The following DPYD variants were observed in gnomAD, a reference collection of about 807,000 sequenced individuals.
The protein encoded by DPYD is dihydropyrimidine dehydrogenase [NADP(+)].
In DPYD, 109 loss-of-function variants were observed where a neutral mutation model predicts 116.2. The ratio of observed to expected loss-of-function variants is 0.94; its 90% CI spans 0.80 to 1.10. The LOEUF (loss-of-function observed/expected upper bound fraction) is 1.10, where lower values mean the gene tolerates loss of function less well. DPYD is among the 50% of genes least tolerant of loss of function. DPYD has a pLI of 0.00. For synonymous variants in DPYD, 440 were observed against 432.0 expected (o/e 1.02, Z -0.23); for missense variants, 1,302 against 1,254.5 (o/e 1.04, Z -0.57).
At chr1:97,678,136 C>T (rs931876166) in intron 8 of DPYD, among the ~76,000 whole-genome samples, 1 of 152,126 alleles carries the variant, frequency 6.6e-6, no homozygotes, top group Non-Finnish European at 1.5e-5. Context: ...TGTTCCACCT[C>T]AGATAATCAG....
chr1:97,134,595 T>C (rs1194203800), intron 20 of DPYD, among the ~76,000 whole-genome samples: 1 of 152,212 alleles, frequency 6.6e-6, no homozygotes, highest in Non-Finnish European at 1.5e-5. Flanking sequence ...GGAGGAAACG[T>C]GTCAACAAAG....
chr1:97,171,830 T>A (rs1656742526), intron 20 of DPYD, among the ~76,000 whole-genome samples: 1 of 152,148 alleles, frequency 6.6e-6, no homozygotes, highest in African/African-American at 2.4e-5. Flanking sequence ...GATGAACACA[T>A]ACATCATTGC....
rs559460409 is a variant in DPYD at position 97,177,996 on chromosome 1, C to T, written c.2622+15073G>A. Among the ~76,000 whole-genome samples the T allele has an allele frequency of 7.9e-5, 12 of 152,130 alleles. No individual in the cohort carries two copies. The South Asian group carries it at 1.2e-3, about 16-fold the overall frequency. On this transcript the variant is annotated intron_variant, in intron 20 of 22. Transcript: ENST00000370192. ...CTCTCTGGGGTCCCTTTTATAAGGA[C>T]GCTAATTTTATTGCCTTCCAAAGGC...
At chr1:97,138,378 A>T (rs973107178) in intron 20 of DPYD, among the ~76,000 whole-genome samples, 1 of 152,182 alleles carries the variant, frequency 6.6e-6, no homozygotes, top group Non-Finnish European at 1.5e-5. Context: ...GAAAGCTACC[A>T]TATGGCCAGA....
intron 16 of DPYD, among the ~76,000 whole-genome samples, chr1:97,322,300 C>A (rs562057302): frequency 6.6e-6 from 1 of 151,556 alleles, no homozygotes; most frequent in African/African-American, 2.4e-5. Context: ...CTTCCCACTG[C>A]TGCTGTAGGA....
chr1:97,133,110 AC>A (rs1357869056), intron 20 of DPYD, among the ~76,000 whole-genome samples: 3 of 152,052 alleles, frequency 2.0e-5, no homozygotes, highest in African/African-American at 7.2e-5. Context: ...TTGTAAACTG[AC>A]TATAGAGTAC....
intron 20 of DPYD, among the ~76,000 whole-genome samples, chr1:97,110,478 A>T (rs2101622451): frequency 6.6e-6 from 1 of 152,136 alleles, no homozygotes; most frequent in South Asian, 2.1e-4. Flanking sequence ...TGTCATTTTT[A>T]TCTTTGACTA....
rs541607429 is a variant in DPYD, at chr1:97,082,579, A to T, written c.2767-109T>A. 9.9e-5 allele frequency: 122 copies of T among 1,235,306 alleles called. 3 individuals carry two copies. In the South Asian group the frequency reaches 1.4e-3, roughly 15 times the overall value. 76.5% of individuals were successfully genotyped at this position (1,235,306 alleles called of 1,614,324 possible). On this transcript the variant is annotated intron_variant, in intron 21 of 22. Coordinates refer to ENST00000370192, the MANE Select transcript of DPYD (RefSeq NM_000110.4). ...TTTTATACAATGTTGCATTATATTA[A>T]CTTGGGAGACTGGATAGTATAATTC...
chr1:97,398,515 TCACCA>T (rs1673148505), intron 14 of DPYD, among the ~76,000 whole-genome samples: 1 of 151,282 alleles, frequency 6.6e-6, no homozygotes, highest in Admixed American at 6.6e-5. Context: ...CCCTGAGGAA[TCACCA>T]CACTGACTTC....
chr1:97,621,943 G>T (rs1656655305), intron 8 of DPYD, among the ~76,000 whole-genome samples: 1 of 151,946 alleles, frequency 6.6e-6, no homozygotes, highest in Non-Finnish European at 1.5e-5. Flanking sequence ...AAAACAAAGT[G>T]ATATTAGTTT....
At chr1:97,328,882 A>G (rs1257387956) in intron 16 of DPYD, among the ~76,000 whole-genome samples, 1 of 152,214 alleles carries the variant, frequency 6.6e-6, no homozygotes, top group Non-Finnish European at 1.5e-5. Flanking sequence ...ATCAATTATT[A>G]CAGAAAAGTT....
At chr1:97,330,971 G>A (rs1668958982) in intron 16 of DPYD, among the ~76,000 whole-genome samples, 1 of 152,090 alleles carries the variant, frequency 6.6e-6, no homozygotes, top group Admixed American at 6.6e-5. Context: ...TCATTACTTA[G>A]ATAAAACTTT....
chr1:97,737,195 G>C (rs556008991), intron 4 of DPYD, among the ~76,000 whole-genome samples: 20 of 152,096 alleles, frequency 1.3e-4, no homozygotes, highest in African/African-American at 4.8e-4. Context: ...TTGTTTTAAA[G>C]CTTTGTTCTC....
intron 18 of DPYD, among the ~76,000 whole-genome samples, chr1:97,259,093 A>G (rs530307225): frequency 6.4e-4 from 98 of 152,226 alleles, no homozygotes; most frequent in African/African-American, 2.2e-3. Flanking sequence ...CTGGATGGAA[A>G]ACAGCTGAGC....
chr1:97,829,198 C>T (rs1571429128), intron 2 of DPYD, among the ~76,000 whole-genome samples: 1 of 151,676 alleles, frequency 6.6e-6, no homozygotes, highest in African/African-American at 2.4e-5. Context: ...TATGTTCTTT[C>T]TATTCTTGAA....
intron 2 of DPYD, among the ~76,000 whole-genome samples, chr1:97,854,523 C>A (rs1670723527): frequency 6.6e-6 from 1 of 152,136 alleles, no homozygotes; most frequent in Admixed American, 6.5e-5. Flanking sequence ...TATCAAATGC[C>A]CCCAGTTTAA....
intron 19 of DPYD, among the ~76,000 whole-genome samples, chr1:97,201,950 G>A (rs1659236144): frequency 6.7e-6 from 1 of 148,986 alleles, no homozygotes; most frequent in South Asian, 2.1e-4. Context: ...CCAGCATTCA[G>A]CAGAATACCA....
intron 14 of DPYD, among the ~76,000 whole-genome samples, chr1:97,445,326 G>A (rs1021225425): frequency 1.3e-5 from 2 of 152,198 alleles, no homozygotes; most frequent in Non-Finnish European, 2.9e-5. Flanking sequence ...CAGCCCAACT[G>A]TAATACATTC....
chr1:97,829,260 T>C (rs1247496214), intron 2 of DPYD, among the ~76,000 whole-genome samples: 1 of 151,918 alleles, frequency 6.6e-6, no homozygotes, highest in Non-Finnish European at 1.5e-5. Flanking sequence ...TAATGTCCAA[T>C]GTATAAGAAT....
Sources: gnomAD v4.1 joint callset for allele counts (sites outside exome capture counted in the v4.1 genomes callset) on GRCh38, gnomAD v4.1.1 for gene constraint, MANE v1.5 for transcripts, NCBI Gene and HGNC (gene_info 2026-07-23, HGNC 2026-07-21) for gene names.